Variants in STYX observed in about 807,000 individuals in gnomAD.
STYX encodes serine/threonine/tyrosine-interacting protein.
A neutral mutation model predicts 42.7 loss-of-function variants in STYX; 20 were observed. That is an observed-to-expected ratio of 0.47 (90% CI 0.33 to 0.68). The LOEUF (loss-of-function observed/expected upper bound fraction) is 0.68, where lower values mean the gene tolerates loss of function less well. Among genes scored for constraint, STYX ranks in the 30% least tolerant of loss-of-function variants. STYX has a pLI of 0.02. For synonymous variants in STYX, 78 were observed against 81.9 expected, an observed-to-expected ratio of 0.95 and a Z score of 0.26; for missense variants, 226 against 268.5, an observed-to-expected ratio of 0.84 and a Z score of 1.11.
intron 9 of STYX, among the ~76,000 whole-genome samples, chr14:52,761,226 G>C (rs1201788251): frequency 6.6e-6 from 1 of 151,778 alleles, no homozygotes; most frequent in East Asian, 1.9e-4. Flanking sequence ...TACTCAGGAG[G>C]CTGAGGCAGG....
At chr14:52,760,210 T>G (rs899350329) in intron 9 of STYX, among the ~76,000 whole-genome samples, 1 of 151,434 alleles carries the variant, frequency 6.6e-6, no homozygotes, top group Non-Finnish European at 1.5e-5. Flanking sequence ...CCTAAAAAAT[T>G]AAAAAAACTT....
chr14:52,753,582 T>C (rs927100952), intron 4 of STYX, among the ~76,000 whole-genome samples: 1 of 152,188 alleles, frequency 6.6e-6, no homozygotes, highest in Non-Finnish European at 1.5e-5. Context: ...AAGTCCCTTA[T>C]ATAAACTGGT....
rs1436860308 is a variant in STYX, at chr14:52,730,335, G to C, written c.-140G>C. ...GTCACTGGGACCCTGTAGTCTGCGT[G>C]TGTTAGTTGTAATCCCGCCGCCCTC... On this transcript the variant is annotated 5_prime_UTR_variant, in exon 1 of 11. Coordinates refer to ENST00000354586, the MANE Select transcript of STYX (RefSeq NM_145251.4). 1.3e-6 allele frequency: 1 copy of C among 777,626 alleles called. No homozygotes were observed. The highest frequency in any genetic ancestry group is 1.7e-5 in the African/African-American group (1 of 58,418). 48.2% of individuals were successfully genotyped at this position (777,626 alleles called of 1,614,324 possible).
chr14:52,750,825 A>G, intron 4 of STYX, 45 bp downstream of exon 4: 5 of 1,337,630 alleles, frequency 3.7e-6, no homozygotes, highest in Non-Finnish European at 4.2e-6. Flanking sequence ...ATGAAGTTTC[A>G]TTTCAGGTTT....
In STYX at chr14:52,774,121, A is replaced by T. The variant is rs1229847943; in HGVS notation, c.*3015A>T. 1 of 152,190 alleles carries T rather than the reference A, an allele frequency of 6.6e-6. No individual in the cohort carries two copies. Among genetic ancestry groups the T allele is most frequent in the Non-Finnish European group, 1.5e-5 (1 of 68,020 alleles). 9.4% of individuals were successfully genotyped at this position (152,190 alleles called of 1,614,324 possible). ...TACTTGTATCTACTCTGTGGTGGAA[A>T]TGTTAAACCATGATAGCTTTTGCTA... On this transcript the variant is annotated 3_prime_UTR_variant, in exon 11 of 11. Coordinates refer to ENST00000354586, the MANE Select transcript of STYX (RefSeq NM_145251.4).
chr14:52,750,680 C>T lies in STYX; in HGVS notation c.145-3C>T. On this transcript the variant is annotated splice_region_variant and splice_polypyrimidine_tract_variant and intron_variant, in intron 3 of 10. Transcript: ENST00000354586. ...TCCTCCCCCTGCTTTTTTTTTTATA[C>T]AGCTACCTGTACTACAGAAACATGG... The T allele has an allele frequency of 2.6e-6, 4 of 1,524,134 alleles. No homozygotes were observed. Among genetic ancestry groups the T allele is most frequent in the South Asian group, 1.3e-5 (1 of 79,010 alleles). The allele number at this position is 1,524,134 out of a possible 1,614,324, so 94.4% of individuals were successfully genotyped here. A position where few individuals can be genotyped will look rare whatever the true frequency, so the allele number is the denominator to read the frequency against.
rs904836931 is a variant in STYX at position 52,771,386 on chromosome 14, A to G, written c.*280A>G. The G allele has an allele frequency of 7.2e-6, 2 of 278,168 alleles. No individual in the cohort carries two copies. The highest frequency in any genetic ancestry group is 4.4e-5 in the African/African-American group (2 of 45,816). 17.2% of individuals were successfully genotyped at this position (278,168 alleles called of 1,614,324 possible). On this transcript the variant is annotated 3_prime_UTR_variant, in exon 11 of 11. Coordinates refer to ENST00000354586, the MANE Select transcript of STYX (RefSeq NM_145251.4). ...TAAACCAAGAATTTTGGACTTGCAA[A>G]GAGGTATTATTGCAATAATGCACTT...
At chr14:52,748,626 A>C (rs910382765) in intron 3 of STYX, among the ~76,000 whole-genome samples, 1 of 152,212 alleles carries the variant, frequency 6.6e-6, no homozygotes, top group African/African-American at 2.4e-5. Context: ...TCTGCCTCTG[A>C]AAAGTACAAA....
intron 9 of STYX, among the ~76,000 whole-genome samples, chr14:52,767,576 G>C (rs753287508): frequency 1.3e-5 from 2 of 152,000 alleles, no homozygotes; most frequent in African/African-American, 4.8e-5. Context: ...GGAGGTATTC[G>C]TCTTAGATCA....
chr14:52,743,291 A>C (rs1456677713), intron 1 of STYX, among the ~76,000 whole-genome samples: 2 of 151,856 alleles, frequency 1.3e-5, no homozygotes, highest in Non-Finnish European at 2.9e-5. Flanking sequence ...TGTTAAAAAT[A>C]CTTTTCTGGG....
chr14:52,759,682 A>G lies in STYX; in HGVS notation c.432A>G (p.Arg144=), dbSNP rs1471301578. The change falls in exon 9 of 11, where the codon AGA becomes AGG. Residue 144 remains arginine (R), a splice_region_variant and synonymous_variant. Coordinates refer to ENST00000354586, the MANE Select transcript of STYX (RefSeq NM_145251.4). ...YIMETFGMKY[R]DAFAYVQERR... ...ATTAACACTCTTTTTCTGTTTTCAG[A>G]GATGCTTTTGCTTATGTTCAAGAAA... is the stretch of plus-strand genomic sequence containing the variant. The G allele has an allele frequency of 1.3e-6, 2 of 1,597,868 alleles. No individual in the cohort carries two copies. The highest frequency in any genetic ancestry group is 1.7e-6 in the Non-Finnish European group (2 of 1,167,264).
At position 52,730,416 on chromosome 14, in the gene STYX, A is replaced by T; in HGVS notation, c.-59A>T. 6.3e-7 allele frequency: 1 copy of T among 1,580,858 alleles called. No homozygotes were observed. The highest frequency in any genetic ancestry group is 8.6e-7 in the Non-Finnish European group (1 of 1,157,660). ...TCCTTCCGCCGCCGCAGCCAGCCCG[A>T]GGGTCGGCCGGCTGTGTAACACTCT... is the stretch of plus-strand genomic sequence containing the variant. On this transcript the variant is annotated 5_prime_UTR_variant, in exon 1 of 11. Coordinates refer to ENST00000354586, the MANE Select transcript of STYX (RefSeq NM_145251.4).
At chr14:52,768,996 C>T in intron 10 of STYX, 63 bp downstream of exon 10, 1 of 1,216,568 alleles carries the variant, frequency 8.2e-7, no homozygotes, top group Non-Finnish European at 1.2e-6. Flanking sequence ...GGAGAACTTG[C>T]TACAAGTTAC....
At chr14:52,749,087 G>A (rs1265105713) in intron 3 of STYX, among the ~76,000 whole-genome samples, 1 of 152,188 alleles carries the variant, frequency 6.6e-6, no homozygotes, top group African/African-American at 2.4e-5. Flanking sequence ...TTGAGTTCTG[G>A]AGGCTGGCAA....
chr14:52,753,465 C>T (rs1029567214), intron 4 of STYX, among the ~76,000 whole-genome samples: 2 of 152,084 alleles, frequency 1.3e-5, no homozygotes, highest in African/African-American at 2.4e-5. Context: ...GATTTACAGG[C>T]GTAAGCCACT....
chr14:52,755,651 T>G (rs1020818524), intron 4 of STYX, among the ~76,000 whole-genome samples: 1 of 151,798 alleles, frequency 6.6e-6, no homozygotes. Context: ...TTTTGTAAAG[T>G]GTAAAATTCA....
chr14:52,746,584 A>C (rs2139896815), intron 3 of STYX, 105 bp downstream of exon 3: 2 of 925,918 alleles, frequency 2.2e-6, no homozygotes, highest in Non-Finnish European at 1.6e-6. Context: ...ATCCACAAAT[A>C]CTGTCTGTTA....
At chr14:52,766,095 C>G (rs1336110076) in intron 9 of STYX, among the ~76,000 whole-genome samples, 1 of 152,136 alleles carries the variant, frequency 6.6e-6, no homozygotes, top group Non-Finnish European at 1.5e-5. Flanking sequence ...CTCCTGGGCT[C>G]AAGTGATCTT....
rs148516862 is a variant in STYX, at chr14:52,758,680, A to G, written c.431+756A>G. The stretch of plus-strand genomic sequence containing the variant: ...AACCCCCGCCTCCCAGATTCAAGCA[A>G]TTCTCCTGCCTCAGCCTCCCTAGTA... On this transcript the variant is annotated intron_variant, in intron 8 of 10. Coordinates refer to ENST00000354586, the MANE Select transcript of STYX (RefSeq NM_145251.4). Among the ~76,000 whole-genome samples the G allele has an allele frequency of 5.1e-3, 781 of 152,182 alleles. 7 individuals are homozygous for G. The highest frequency in any genetic ancestry group is 0.044 in the East Asian group (230 of 5,170).
Sources: gnomAD v4.1 joint callset for allele counts (sites outside exome capture counted in the v4.1 genomes callset) on GRCh38, gnomAD v4.1.1 for gene constraint, MANE v1.5 for transcripts, NCBI Gene and HGNC (gene_info 2026-07-23, HGNC 2026-07-21) for gene names.